Variants in MACROD2 observed in about 807,000 individuals in gnomAD.
MACROD2 encodes ADP-ribose glycohydrolase MACROD2.
A neutral mutation model predicts 70.4 loss-of-function variants in MACROD2; 36 were observed. That is an observed-to-expected ratio of 0.51 (90% CI 0.39 to 0.68). The LOEUF (loss-of-function observed/expected upper bound fraction) is 0.68. MACROD2 is among the 30% of genes least tolerant of loss of function. The pLI is 0.00. For synonymous variants in MACROD2, 172 were observed against 178.8 expected, an observed-to-expected ratio of 0.96 and a Z score of 0.30; for missense variants, 496 against 538.4, an observed-to-expected ratio of 0.92 and a Z score of 0.78.
chr20:15,280,175 C>T (rs1460933869), intron 6 of MACROD2, among the ~76,000 whole-genome samples: 3 of 152,084 alleles, frequency 2.0e-5, no homozygotes, highest in Admixed American at 6.6e-5. Flanking sequence ...AACAATGCTG[C>T]CTTAGGGAAA....
At chr20:15,112,950 C>CTGTG (rs11467446) in intron 5 of MACROD2, among the ~76,000 whole-genome samples, 2,232 of 146,084 alleles carry the variant, frequency 0.015, 42 homozygotes, top group African/African-American at 0.033. Context: ...TAATATTTCA[C>CTGTG]TGTGTGTGTG....
intron 5 of MACROD2, among the ~76,000 whole-genome samples, chr20:15,066,654 T>A (rs1055607782): frequency 6.6e-6 from 1 of 150,976 alleles, no homozygotes; most frequent in Non-Finnish European, 1.5e-5. Flanking sequence ...CCGAGGCGGG[T>A]AGATTGACTG....
At chr20:15,696,630 T>G (rs186701010) in intron 8 of MACROD2, among the ~76,000 whole-genome samples, 1 of 152,066 alleles carries the variant, frequency 6.6e-6, no homozygotes, top group Admixed American at 6.5e-5. Flanking sequence ...TACCAATTCT[T>G]TTTTGAATGT....
chr20:15,934,332 A>G (rs1230946492), intron 11 of MACROD2, among the ~76,000 whole-genome samples: 1 of 152,204 alleles, frequency 6.6e-6, no homozygotes, highest in Admixed American at 6.5e-5. Context: ...TTTTATTATT[A>G]ACCTGGAAGA....
intron 13 of MACROD2, among the ~76,000 whole-genome samples, chr20:15,969,877 A>C (rs2066203199): frequency 6.6e-6 from 1 of 151,604 alleles, no homozygotes; most frequent in Non-Finnish European, 1.5e-5. Context: ...ATAAATAAAT[A>C]AATCCACAAC....
chr20:14,564,838 T>A (rs1264880419), intron 4 of MACROD2, among the ~76,000 whole-genome samples: 3 of 151,948 alleles, frequency 2.0e-5, no homozygotes, highest in Non-Finnish European at 4.4e-5. Context: ...CTTCTGGGTA[T>A]GTATCCAAAG....
At chr20:15,057,877 G>A (rs138681297) in intron 5 of MACROD2, among the ~76,000 whole-genome samples, 61 of 152,220 alleles carry the variant, frequency 4.0e-4, no homozygotes, top group African/African-American at 1.4e-3. Context: ...TGCCCCTTAC[G>A]TTTTATTCAG....
chr20:15,746,579 A>T (rs867315087), intron 8 of MACROD2, among the ~76,000 whole-genome samples: 1 of 151,470 alleles, frequency 6.6e-6, no homozygotes, highest in African/African-American at 2.4e-5. Flanking sequence ...AAAAAAAAAA[A>T]AAAGAAACGG....
chr20:14,310,146 G>A (rs1051779299), intron 3 of MACROD2, among the ~76,000 whole-genome samples: 8 of 152,068 alleles, frequency 5.3e-5, no homozygotes, highest in South Asian at 4.2e-4. Flanking sequence ...AAGGATCAAG[G>A]AAAAGTAATG....
chr20:14,072,716 C>T (rs1267602803), intron 2 of MACROD2, among the ~76,000 whole-genome samples: 5 of 152,150 alleles, frequency 3.3e-5, no homozygotes, highest in Admixed American at 1.3e-4. Flanking sequence ...GGGCGGATCA[C>T]GAGGTCAGGA....
At chr20:15,177,311 A>G (rs2076469635) in intron 5 of MACROD2, among the ~76,000 whole-genome samples, 5 of 152,244 alleles carry the variant, frequency 3.3e-5, no homozygotes. Context: ...AGATTGTTCT[A>G]GAAGGTTGAA....
chr20:15,787,529 G>A (rs2051950355), intron 8 of MACROD2, among the ~76,000 whole-genome samples: 1 of 152,094 alleles, frequency 6.6e-6, no homozygotes, highest in African/African-American at 2.4e-5. Context: ...TGTACCCAAT[G>A]TTTAGCTCCC....
chr20:14,643,477 A>G (rs979801128), intron 4 of MACROD2, among the ~76,000 whole-genome samples: 4 of 152,206 alleles, frequency 2.6e-5, no homozygotes, highest in African/African-American at 9.6e-5. Flanking sequence ...TTGTGAAAAC[A>G]TTGTAAAAAG....
intron 8 of MACROD2, among the ~76,000 whole-genome samples, chr20:15,519,810 G>T (rs994243336): frequency 4.6e-5 from 7 of 152,168 alleles, no homozygotes; most frequent in African/African-American, 1.2e-4. Context: ...TTTGCACTAG[G>T]TTGGAGAAAG....
chr20:15,418,165 T>G (rs1356604325), intron 6 of MACROD2, among the ~76,000 whole-genome samples: 1 of 152,312 alleles, frequency 6.6e-6, no homozygotes, highest in Non-Finnish European at 1.5e-5. Flanking sequence ...TTTCTGTCAG[T>G]CTTACTTGGT....
At chr20:14,582,351 C>G (rs1174774728) in intron 4 of MACROD2, among the ~76,000 whole-genome samples, 2 of 151,960 alleles carry the variant, frequency 1.3e-5, no homozygotes, top group African/African-American at 2.4e-5. Context: ...GAGCCCTATC[C>G]CCATGTTATC....
chr20:14,982,590 C>T (rs549437248), intron 5 of MACROD2, among the ~76,000 whole-genome samples: 16 of 152,306 alleles, frequency 1.1e-4, no homozygotes, highest in African/African-American at 2.2e-4. Flanking sequence ...AAGGGGCCAA[C>T]GCAGAGCTTG....
intron 15 of MACROD2, among the ~76,000 whole-genome samples, chr20:16,022,580 T>C (rs775100): frequency 0.79 from 120,609 of 152,038 alleles, 48,535 homozygotes; most frequent in South Asian, 0.94. Context: ...GTTCTTATTC[T>C]GTACAGCTGG....
At chr20:15,005,773 G>A (rs566499565) in intron 5 of MACROD2, among the ~76,000 whole-genome samples, 1 of 152,094 alleles carries the variant, frequency 6.6e-6, no homozygotes, top group Admixed American at 6.5e-5. Flanking sequence ...CCTCAAACCA[G>A]CCTACCAAAC....
Sources: allele counts gnomAD v4.1 joint callset (sites outside exome capture counted in the v4.1 genomes callset), GRCh38; gene constraint gnomAD v4.1.1; transcripts MANE v1.5; gene names NCBI Gene and HGNC (gene_info 2026-07-23, HGNC 2026-07-21).